HS3ST1: variants seen among roughly 807,000 people sequenced by gnomAD.
HS3ST1 encodes heparan sulfate glucosamine 3-O-sulfotransferase 1.
HS3ST1 carries 8 observed loss-of-function variants against 20.7 expected under a neutral mutation model. The ratio of observed to expected loss-of-function variants is 0.39; its 90% CI spans 0.23 to 0.70. The LOEUF is 0.70. Ranked by LOEUF, HS3ST1 falls within the 30% of genes least tolerant of loss-of-function variation. HS3ST1 has a pLI of 0.46. For synonymous variants in HS3ST1, 205 were observed against 190.4 expected (o/e 1.08, Z -0.63); for missense variants, 436 against 423.4 (o/e 1.03, Z -0.26).
At chr4:11,409,919 A>G (rs1366131732) in intron 1 of HS3ST1, among the ~76,000 whole-genome samples, 1 of 152,238 alleles carries the variant, frequency 6.6e-6, no homozygotes, top group African/African-American at 2.4e-5. Flanking sequence ...ATATTGTCAG[A>G]GACCAGGGAC....
chr4:11,404,756 T>C (rs1437116619), intron 1 of HS3ST1, among the ~76,000 whole-genome samples: 1 of 152,214 alleles, frequency 6.6e-6, no homozygotes, highest in Non-Finnish European at 1.5e-5. Flanking sequence ...CAGAATTCTC[T>C]ATAGCACCTG....
At position 11,399,016 on chromosome 4, in the gene HS3ST1, C is replaced by T; in HGVS notation, c.*66G>A. 3.7e-6 allele frequency: 5 copies of T among 1,367,334 alleles called. No individual in the cohort carries two copies. The highest frequency in any genetic ancestry group is 4.5e-5 in the Admixed American group (2 of 44,798). The allele number at this position is 1,367,334 out of a possible 1,614,324, so 84.7% of individuals were successfully genotyped here. A position where few individuals can be genotyped will look rare whatever the true frequency, so the allele number is the denominator to read the frequency against. Reference sequence around the variant, plus strand: ...ATACCTTAAATGCTTTTTTAAAATTCTTTTTCCCCTCAGATGTACACCAGA... The same window carrying T: ...ATACCTTAAATGCTTTTTTAAAATTTTTTTTCCCCTCAGATGTACACCAGA... On this transcript the variant is annotated 3_prime_UTR_variant, in exon 2 of 2. Transcript: ENST00000002596. The surrounding 1 kb of genome is among the most constrained non-coding windows in gnomAD (Gnocchi z 5.1).
intron 1 of HS3ST1, among the ~76,000 whole-genome samples, chr4:11,410,661 A>G (rs552204288): frequency 9.1e-4 from 139 of 152,254 alleles, no homozygotes; most frequent in Non-Finnish European, 1.8e-4. Context: ...TGGGAGGCCA[A>G]GGCGGGTAGA....
At position 11,399,526 on chromosome 4, in the gene HS3ST1, C is replaced by T; in HGVS notation, c.480G>A (p.Val160=). 1.9e-6 allele frequency: 3 copies of T among 1,613,972 alleles called. No homozygotes were observed. ...SERVLSDYTQ[V]FYNHMQKHKP... is the part of the protein sequence containing the mutation. The stretch of plus-strand genomic sequence containing the variant: ...TGTGCTTCTGCATGTGGTTGTAGAA[C>T]ACTTGGGTGTAGTCAGATAGCACGC... The change falls in exon 2 of 2, where the codon GTG becomes GTA. Residue 160 remains valine (V), a synonymous_variant. Coordinates refer to ENST00000002596, the MANE Select transcript of HS3ST1 (RefSeq NM_005114.4). This position sits in a 1 kb window ranked among gnomAD's most constrained non-coding sequence, Gnocchi z 5.1.
At chr4:11,426,026 C>G (rs1020042398) in intron 1 of HS3ST1, among the ~76,000 whole-genome samples, 1 of 152,188 alleles carries the variant, frequency 6.6e-6, no homozygotes, top group Non-Finnish European at 1.5e-5. Flanking sequence ...AGTTACCACT[C>G]TCCTGCAACA....
chr4:11,404,841 A>G (rs1336729021), intron 1 of HS3ST1, among the ~76,000 whole-genome samples: 2 of 152,256 alleles, frequency 1.3e-5, no homozygotes, highest in Non-Finnish European at 2.9e-5. Flanking sequence ...AGCAGGCACT[A>G]GACTGGCAAC....
chr4:11,428,895 G>C (rs1719141977), upstream of HS3ST1: 1 of 152,654 alleles, frequency 6.6e-6, no homozygotes, highest in South Asian at 2.1e-4. Context: ...GGGCGCAGAG[G>C]ACCTTGCAGG....
chr4:11,405,246 G>A (rs1718433679), intron 1 of HS3ST1, among the ~76,000 whole-genome samples: 7 of 152,180 alleles, frequency 4.6e-5, no homozygotes, highest in Admixed American at 4.6e-4. Flanking sequence ...TATCAGGGAG[G>A]CTGTTTTCTG....
chr4:11,403,749 C>G lies in HS3ST1; in HGVS notation c.-108-3636G>C, dbSNP rs866457168. On this transcript the variant is annotated intron_variant, in intron 1 of 1. Transcript: ENST00000002596. ...ACAGGGTCAAACTTGCTCATTTGTTCTGTTCAGTAGAAGGGTCCAAATGAA... is the reference window on the plus strand; with the variant it reads ...ACAGGGTCAAACTTGCTCATTTGTTGTGTTCAGTAGAAGGGTCCAAATGAA... Among the ~76,000 whole-genome samples, 3 of 152,172 alleles carry G rather than the reference C, an allele frequency of 2.0e-5. No individual in the cohort carries two copies. In the South Asian group the frequency reaches 6.2e-4, roughly 32 times the overall value.
At chr4:11,418,563 G>C (rs1718845458) in intron 1 of HS3ST1, among the ~76,000 whole-genome samples, 1 of 152,194 alleles carries the variant, frequency 6.6e-6, no homozygotes, top group Non-Finnish European at 1.5e-5. Context: ...ATTTCAAACT[G>C]CGTGGCGAAT....
chr4:11,431,350 G>C (rs1362025028), upstream of HS3ST1, among the ~76,000 whole-genome samples: 1 of 151,376 alleles, frequency 6.6e-6, no homozygotes, highest in African/African-American at 2.5e-5. Flanking sequence ...AGGAGACACA[G>C]TAGTAGTTGA....
chr4:11,433,301 G>C (rs978878918), upstream of HS3ST1, among the ~76,000 whole-genome samples: 7 of 152,158 alleles, frequency 4.6e-5, no homozygotes, highest in African/African-American at 1.7e-4. Flanking sequence ...TGCAGAGGAG[G>C]AATGCTTAGT....
At chr4:11,408,358 G>A (rs370921185) in intron 1 of HS3ST1, among the ~76,000 whole-genome samples, 1 of 152,140 alleles carries the variant, frequency 6.6e-6, no homozygotes, top group Non-Finnish European at 1.5e-5. Flanking sequence ...AAAAAATGTT[G>A]GGTGGTATAA....
At position 11,399,225 on chromosome 4, in the gene HS3ST1, CGCTGTCCCGCAGGCAGTAAAA is replaced by C. The variant is rs750397246; in HGVS notation, c.760_780del (p.Phe254_Ser260del). The C allele has an allele frequency of 6.2e-7, 1 of 1,614,106 alleles. No homozygotes were observed. The highest frequency in any genetic ancestry group is 8.5e-7 in the Non-Finnish European group (1 of 1,180,046). ...GACTCATGTAAGCAGCGGTCCCGGC[CGCTGTCCCGCAGGCAGTAAAA>C]GCCCTTGGTTTTGTTAAAGTAGAAG... On this transcript the variant is annotated inframe_deletion, in exon 2 of 2. Coordinates refer to ENST00000002596, the MANE Select transcript of HS3ST1 (RefSeq NM_005114.4). This position sits in a 1 kb window ranked among gnomAD's most constrained non-coding sequence, Gnocchi z 5.1.
At chr4:11,430,792 T>C (rs1719188222), upstream of HS3ST1, among the ~76,000 whole-genome samples, 1 of 152,252 alleles carries the variant, frequency 6.6e-6, no homozygotes, top group Non-Finnish European at 1.5e-5. Flanking sequence ...AGGAAATGAC[T>C]GCAGGGCACA....
intron 1 of HS3ST1, among the ~76,000 whole-genome samples, chr4:11,424,303 C>A (rs1020965534): frequency 6.6e-6 from 1 of 152,174 alleles, no homozygotes; most frequent in Non-Finnish European, 1.5e-5. Context: ...TAGAGTATTG[C>A]TTGGAAGAAT....
rs1328343932 is a variant in HS3ST1 at position 11,399,860 on chromosome 4, C to T, written c.146G>A (p.Gly49Asp). ...GGTCTGCGGCAACTGCTGGGCAGAG[C>T]CGTTTGGGGCCACGCCATCGCGGAC... ...DDVRDGVAPN[G>D]SAQQLPQTII... The change falls in exon 2 of 2, where the codon GGC (glycine) becomes GAC (aspartate). Residue 49 changes from glycine (G) to aspartate (D), a missense_variant. Coordinates refer to ENST00000002596, the MANE Select transcript of HS3ST1 (RefSeq NM_005114.4). The surrounding 1 kb of genome is among the most constrained non-coding windows in gnomAD (Gnocchi z 5.1). 3 of 1,612,646 alleles carry T rather than the reference C, an allele frequency of 1.9e-6. No homozygotes were observed. The East Asian group carries it at 6.7e-5, about 36-fold the overall frequency.
chr4:11,394,395 T>C lies in HS3ST1; in HGVS notation c.*4687A>G, dbSNP rs1459543852. On this transcript the variant is annotated 3_prime_UTR_variant, in exon 2 of 2. Transcript: ENST00000002596. ...GGTCATTTTCTACATCAAAACACTT[T>C]AGTGAAGCAGCTAAATCCGATGATG... The C allele has an allele frequency of 6.6e-6, 1 of 152,252 alleles. No individual in the cohort carries two copies. Among genetic ancestry groups the C allele is most frequent in the Non-Finnish European group, 1.5e-5 (1 of 68,050 alleles). The allele number at this position is 152,252 out of a possible 1,614,324, so 9.4% of individuals were successfully genotyped here.
chr4:11,415,264 T>C lies in HS3ST1; in HGVS notation c.-109+13435A>G, dbSNP rs1325536471. Among the ~76,000 whole-genome samples, 3 of 152,216 alleles carry C rather than the reference T, an allele frequency of 2.0e-5. No homozygotes were observed. The East Asian group carries it at 5.8e-4, about 29-fold the overall frequency. Reference sequence around the variant, plus strand: ...TCAAAGCAATCATGTTTAAATTATCTTGGGTTTGCATTCTGGGTTAGTTAC... The same window carrying C: ...TCAAAGCAATCATGTTTAAATTATCCTGGGTTTGCATTCTGGGTTAGTTAC... On this transcript the variant is annotated intron_variant, in intron 1 of 1. Transcript: ENST00000002596.
Sources: allele counts gnomAD v4.1 joint callset (sites outside exome capture counted in the v4.1 genomes callset), GRCh38; gene constraint gnomAD v4.1.1; non-coding constraint Gnocchi (gnomAD v3.1); transcripts MANE v1.5; gene names NCBI Gene and HGNC (gene_info 2026-07-23, HGNC 2026-07-21).